FAAH2: variants seen among roughly 807,000 people sequenced by gnomAD.
FAAH2 encodes fatty acid amide hydrolase 2.
FAAH2 carries 60 observed loss-of-function variants against 36.9 expected under a neutral mutation model. The observed-to-expected ratio is 1.63, with a 90% confidence interval of 1.32 to 2.02. FAAH2 has a LOEUF of 2.02. Ranked by LOEUF, FAAH2 falls within the 30% of genes most tolerant of loss-of-function variation. The pLI is 0.00. For missense variants in FAAH2, 689 were observed against 397.5 expected, an observed-to-expected ratio of 1.73 and a Z score of -6.23; for synonymous variants, 214 against 143.8, an observed-to-expected ratio of 1.49 and a Z score of -3.49.
chrX:57,178,079 C>T, the FAAH2 span, among the ~76,000 whole-genome samples: 1 of 111,562 alleles, frequency 9.0e-6, no homozygotes, highest in East Asian at 2.8e-4. Context: ...ACAAGGAATC[C>T]AGTAATGTGA....
chrX:57,161,614 A>G, the FAAH2 span, among the ~76,000 whole-genome samples: 1 of 111,596 alleles, frequency 9.0e-6, no homozygotes, highest in Non-Finnish European at 1.9e-5. Flanking sequence ...CCGTTATGTA[A>G]TGGCCTTCTT....
At chrX:57,179,994 A>G in the FAAH2 span, among the ~76,000 whole-genome samples, 1 of 112,371 alleles carries the variant, frequency 8.9e-6, no homozygotes, top group Non-Finnish European at 1.9e-5. Context: ...ATGGAAATTA[A>G]ACAATCTGCT....
At chrX:57,244,911 C>G in the FAAH2 span, among the ~76,000 whole-genome samples, 1 of 110,873 alleles carries the variant, frequency 9.0e-6, no homozygotes, top group African/African-American at 3.3e-5. Flanking sequence ...GGTTAAATGC[C>G]CCAGTTAAAA....
chrX:57,305,389 C>A (rs1002070160), intron 2 of FAAH2, among the ~76,000 whole-genome samples: 2 of 111,482 alleles, frequency 1.8e-5, no homozygotes, highest in South Asian at 7.4e-4. Flanking sequence ...TTCTAACCTT[C>A]TAATATTTTA....
the FAAH2 span, among the ~76,000 whole-genome samples, chrX:57,240,748 C>G: frequency 7.1e-5 from 8 of 112,005 alleles, no homozygotes; most frequent in Non-Finnish European, 1.3e-4. Flanking sequence ...AGCAGAAGCT[C>G]TCTGATGGTT....
rs868731061 is a variant in FAAH2 at position 57,395,409 on chromosome X, T to C, written c.996+14380T>C. 6 of 705,807 alleles carry C rather than the reference T, an allele frequency of 8.5e-6. No homozygotes were observed. The Middle Eastern group carries it at 1.3e-3, about 158-fold the overall frequency. The allele number at this position is 705,807 out of a possible 1,213,427, so 58.2% of individuals were successfully genotyped here. On this transcript the variant is annotated intron_variant, in intron 7 of 10. Coordinates refer to ENST00000374900, the MANE Select transcript of FAAH2 (RefSeq NM_174912.4). The stretch of plus-strand genomic sequence containing the variant: ...CTGTTCAGGATTTCTGCTGGTGCCA[T>C]GGCCTTTATTAGTCTGCTGCCCACG...
chrX:57,224,327 A>G, the FAAH2 span, among the ~76,000 whole-genome samples: 1 of 110,612 alleles, frequency 9.0e-6, no homozygotes, highest in Non-Finnish European at 1.9e-5. Flanking sequence ...TCTCAACAAT[A>G]CCCCCAAAAT....
chrX:57,468,097 T>C (rs768082663), intron 10 of FAAH2, among the ~76,000 whole-genome samples: 5 of 111,412 alleles, frequency 4.5e-5, no homozygotes, highest in Non-Finnish European at 9.4e-5. Context: ...AATCCATCTG[T>C]TGGTCACCAT....
chrX:57,377,728 T>G (rs996506062), intron 5 of FAAH2, among the ~76,000 whole-genome samples: 7 of 112,101 alleles, frequency 6.2e-5, no homozygotes, highest in Non-Finnish European at 1.1e-4. Context: ...TATAAATTAC[T>G]TTGGGTAGTA....
At chrX:57,319,215 G>A (rs1602257283) in intron 3 of FAAH2, among the ~76,000 whole-genome samples, 1 of 111,611 alleles carries the variant, frequency 9.0e-6, no homozygotes, top group Non-Finnish European at 1.9e-5. Context: ...CAAATAGGAA[G>A]AGAGGAAGTC....
At chrX:57,397,613 TG>T (rs1054445848) in intron 7 of FAAH2, among the ~76,000 whole-genome samples, 1 of 111,109 alleles carries the variant, frequency 9.0e-6, no homozygotes, top group African/African-American at 3.3e-5. Flanking sequence ...TCTACTGGCT[TG>T]GTAGGTTTCC....
the FAAH2 span, among the ~76,000 whole-genome samples, chrX:57,149,844 G>T: frequency 1.8e-5 from 2 of 110,971 alleles, no homozygotes; most frequent in African/African-American, 6.6e-5. Context: ...TCTTTTAATT[G>T]TGATATTAGG....
At chrX:57,146,051 CT>C in the FAAH2 span, among the ~76,000 whole-genome samples, 1 of 108,098 alleles carries the variant, frequency 9.3e-6, no homozygotes. Context: ...TATGCAGGCT[CT>C]TTTTTTGGTT....
intron 10 of FAAH2, among the ~76,000 whole-genome samples, chrX:57,472,514 A>G (rs1580436): frequency 4.5e-5 from 5 of 110,311 alleles, no homozygotes; most frequent in African/African-American, 1.6e-4. Flanking sequence ...AGGTATTCCT[A>G]CACTTTGATT....
chrX:57,192,705 C>A, the FAAH2 span, among the ~76,000 whole-genome samples: 1 of 111,934 alleles, frequency 8.9e-6, no homozygotes, highest in African/African-American at 3.2e-5. Flanking sequence ...GAAGCCATGG[C>A]AGAAGCACGT....
At chrX:57,244,337 G>A in the FAAH2 span, among the ~76,000 whole-genome samples, 22 of 111,277 alleles carry the variant, frequency 2.0e-4, no homozygotes, top group African/African-American at 6.9e-4. Context: ...ATATTATCCA[G>A]GAGAACTTCC....
intron 3 of FAAH2, among the ~76,000 whole-genome samples, chrX:57,314,577 A>G (rs2052783289): frequency 9.0e-6 from 1 of 111,378 alleles, no homozygotes; most frequent in Non-Finnish European, 1.9e-5. Context: ...ATATCTCCCA[A>G]AACTACACAA....
intron 8 of FAAH2, among the ~76,000 whole-genome samples, chrX:57,441,469 G>T (rs1294027680): frequency 9.1e-6 from 1 of 110,246 alleles, no homozygotes; most frequent in Non-Finnish European, 1.9e-5. Context: ...ATTTTTTATT[G>T]CATCTATTTG....
the FAAH2 span, among the ~76,000 whole-genome samples, chrX:57,159,504 C>G: frequency 9.0e-6 from 1 of 110,993 alleles, no homozygotes; most frequent in Non-Finnish European, 1.9e-5. Context: ...TTTGTATCCT[C>G]TTTTATTTCA....
Sources: gnomAD v4.1 joint callset for allele counts (sites outside exome capture counted in the v4.1 genomes callset) on GRCh38, gnomAD v4.1.1 for gene constraint, MANE v1.5 for transcripts, NCBI Gene and HGNC (gene_info 2026-07-23, HGNC 2026-07-21) for gene names.